The following SGCD variants were observed in gnomAD, a reference collection of about 807,000 sequenced individuals.
The protein encoded by SGCD is delta-sarcoglycan.
In SGCD, 18 loss-of-function variants were observed where a neutral mutation model predicts 36.6. The ratio of observed to expected loss-of-function variants is 0.49; its 90% CI spans 0.34 to 0.73. The LOEUF is 0.73. SGCD is among the 30% of genes least tolerant of loss of function. SGCD has a pLI of 0.01. For missense variants in SGCD, 387 were observed against 346.7 expected, an observed-to-expected ratio of 1.12 and a Z score of -0.92; for synonymous variants, 133 against 130.6, an observed-to-expected ratio of 1.02 and a Z score of -0.12.
the SGCD span, among the ~76,000 whole-genome samples, chr5:155,861,719 A>T: frequency 5.3e-5 from 8 of 152,258 alleles, 1 homozygote; most frequent in Admixed American, 4.6e-4. Context: ...CTCTGTTAAA[A>T]AAATAAATAA....
chr5:156,046,662 A>G (rs1759772637), intron 1 of SGCD, among the ~76,000 whole-genome samples: 1 of 152,116 alleles, frequency 6.6e-6, no homozygotes, highest in South Asian at 2.1e-4. Context: ...CTTAACCGAG[A>G]AATGTCGTGT....
chr5:156,346,362 G>A (rs1385461175), intron 3 of SGCD, among the ~76,000 whole-genome samples: 2 of 152,078 alleles, frequency 1.3e-5, no homozygotes, highest in Non-Finnish European at 2.9e-5. Flanking sequence ...ACAGTGGTAC[G>A]ATCATAGCTC....
intron 1 of SGCD, among the ~76,000 whole-genome samples, chr5:155,924,047 A>G (rs766037382): frequency 6.6e-6 from 1 of 151,966 alleles, no homozygotes; most frequent in Non-Finnish European, 1.5e-5. Context: ...GATGATGAAT[A>G]CAGTGCTCTC....
intron 6 of SGCD, among the ~76,000 whole-genome samples, chr5:156,608,441 G>T (rs149394887): frequency 6.6e-6 from 1 of 151,932 alleles, no homozygotes. Flanking sequence ...TTTTACATTT[G>T]CTGAGGAGAG....
intron 1 of SGCD, among the ~76,000 whole-genome samples, chr5:155,933,475 T>C (rs998462036): frequency 6.6e-6 from 1 of 152,246 alleles, no homozygotes; most frequent in Non-Finnish European, 1.5e-5. Context: ...CTTGTCTTTC[T>C]TCACCATTTC....
chr5:155,830,644 A>G, the SGCD span, among the ~76,000 whole-genome samples: 1 of 152,198 alleles, frequency 6.6e-6, no homozygotes, highest in Admixed American at 6.5e-5. Flanking sequence ...GTTTTTAAAG[A>G]CTTCTGTTAA....
intron 4 of SGCD, among the ~76,000 whole-genome samples, chr5:156,540,146 G>C (rs2113144476): frequency 6.6e-6 from 1 of 152,254 alleles, no homozygotes; most frequent in African/African-American, 2.4e-5. Context: ...TAAAGGCCTT[G>C]ACTCTAAAGT....
intron 3 of SGCD, among the ~76,000 whole-genome samples, chr5:156,245,511 A>G (rs935988233): frequency 6.6e-5 from 10 of 152,204 alleles, no homozygotes; most frequent in Non-Finnish European, 1.3e-4. Flanking sequence ...AACTAATAAC[A>G]TAAAAAAATC....
At chr5:156,539,708 T>C (rs1758273951) in intron 4 of SGCD, among the ~76,000 whole-genome samples, 1 of 152,144 alleles carries the variant, frequency 6.6e-6, no homozygotes, top group Non-Finnish European at 1.5e-5. Context: ...GTGAATTGTG[T>C]TGCTATAAAC....
intron 3 of SGCD, among the ~76,000 whole-genome samples, chr5:156,311,929 AT>A (rs1561613825): frequency 1.3e-5 from 2 of 151,980 alleles, no homozygotes; most frequent in African/African-American, 4.8e-5. Context: ...TATATTTTTT[AT>A]TTTTTTCTTG....
At chr5:156,388,843 C>T (rs1771416653) in intron 3 of SGCD, among the ~76,000 whole-genome samples, 1 of 152,202 alleles carries the variant, frequency 6.6e-6, no homozygotes, top group African/African-American at 2.4e-5. Context: ...AAACATAATA[C>T]AGATACTATT....
intron 1 of SGCD, among the ~76,000 whole-genome samples, chr5:155,967,741 G>A (rs562625003): frequency 1.8e-4 from 27 of 152,144 alleles, no homozygotes; most frequent in African/African-American, 6.5e-4. Context: ...AGGCAGCCAA[G>A]AGTGAATGGA....
intron 3 of SGCD, among the ~76,000 whole-genome samples, chr5:156,373,648 A>G (rs1470458656): frequency 3.9e-5 from 6 of 152,216 alleles, no homozygotes; most frequent in African/African-American, 7.2e-5. Flanking sequence ...TGACTTTAAT[A>G]ATAATGTTTA....
intron 1 of SGCD, among the ~76,000 whole-genome samples, chr5:156,092,028 TG>T (rs1382173542): frequency 1.3e-5 from 2 of 152,218 alleles, no homozygotes; most frequent in African/African-American, 4.8e-5. Context: ...GCATGGCTTC[TG>T]GGGGTCCAGC....
chr5:156,457,782 A>G (rs1337854740), intron 3 of SGCD, among the ~76,000 whole-genome samples: 2 of 152,172 alleles, frequency 1.3e-5, no homozygotes, highest in African/African-American at 4.8e-5. Flanking sequence ...CATGTGTTCT[A>G]GTCCCTGTTT....
At position 156,610,118 on chromosome 5, in the gene SGCD, G is replaced by T. The variant is rs1161008340; in HGVS notation, c.502+15067G>T. ...TGCATTCCTTTGGAGGAGGAGAGGT[G>T]CTCTGATTTTTAGAGTTTCCGGTTT... On this transcript the variant is annotated intron_variant, in intron 6 of 8. Coordinates refer to ENST00000337851, the MANE Select transcript of SGCD (RefSeq NM_000337.6). Among the ~76,000 whole-genome samples the T allele has an allele frequency of 2.0e-5, 3 of 151,198 alleles. No individual in the cohort carries two copies. In the East Asian group the frequency reaches 5.8e-4, roughly 29 times the overall value.
At chr5:156,738,822 C>T (rs1209846097) in intron 7 of SGCD, among the ~76,000 whole-genome samples, 1 of 152,170 alleles carries the variant, frequency 6.6e-6, no homozygotes, top group Non-Finnish European at 1.5e-5. Context: ...AACAGTGCTA[C>T]AAAGAAGACA....
chr5:156,136,108 T>A (rs1762449913), intron 3 of SGCD, among the ~76,000 whole-genome samples: 1 of 152,166 alleles, frequency 6.6e-6, no homozygotes, highest in Non-Finnish European at 1.5e-5. Flanking sequence ...ATCTGTGTTT[T>A]TATATTTATT....
Position 156,089,336 on chromosome 5 carries a change from G to A in SGCD, c.-281-28542G>A, listed in dbSNP as rs9284993. On this transcript the variant is annotated intron_variant, in intron 1 of 9. Coordinates refer to the SGCD transcript ENST00000517913. ...GTTTGGCCATCATATTCTTTAAGGT[G>A]TAGTTCATCTTCTCTGTTTTCCCCA... is the stretch of plus-strand genomic sequence containing the variant. 2.1e-3 allele frequency among the ~76,000 whole-genome samples: 319 copies of A among 152,280 alleles called. 2 individuals carry two copies. The highest frequency in any genetic ancestry group is 7.4e-3 in the African/African-American group (309 of 41,564).
Sources: gnomAD v4.1 joint callset for allele counts (sites outside exome capture counted in the v4.1 genomes callset) on GRCh38, gnomAD v4.1.1 for gene constraint, MANE v1.5 for transcripts, NCBI Gene and HGNC (gene_info 2026-07-23, HGNC 2026-07-21) for gene names.